Variants in SLC9C1 observed in about 807,000 individuals in gnomAD.
SLC9C1 encodes sodium/hydrogen exchanger 10.
In SLC9C1, 97 loss-of-function variants were observed where a neutral mutation model predicts 140.9. The ratio of observed to expected loss-of-function variants is 0.69; its 90% CI spans 0.58 to 0.82. The LOEUF (loss-of-function observed/expected upper bound fraction) is 0.82, where lower values mean the gene tolerates loss of function less well. Ranked by LOEUF, SLC9C1 falls within the 40% of genes least tolerant of loss-of-function variation. The pLI is 0.00. For missense variants in SLC9C1, 1,340 were observed against 1,389.3 expected (o/e 0.96, Z 0.56); for synonymous variants, 440 against 442.6 (o/e 0.99, Z 0.07).
chr3:112,143,884 T>G (rs774498393), intron 28 of SLC9C1, among the ~76,000 whole-genome samples: 10 of 152,190 alleles, frequency 6.6e-5, no homozygotes, highest in South Asian at 4.1e-4. Flanking sequence ...ATTTAAATCT[T>G]TAATCTGTCT....
intron 10 of SLC9C1, among the ~76,000 whole-genome samples, chr3:112,247,600 C>T (rs1826393): frequency 0.3 from 45,056 of 151,906 alleles, 7,235 homozygotes; most frequent in East Asian, 0.43. Context: ...ATGAAAGTGG[C>T]GTCCATCCAC....
intron 20 of SLC9C1, among the ~76,000 whole-genome samples, chr3:112,188,818 C>T (rs1015302912): frequency 3.3e-5 from 5 of 152,184 alleles, no homozygotes; most frequent in African/African-American, 1.2e-4. Context: ...CACTGTCTTC[C>T]ACAATGGTTG....
chr3:112,155,006 ATTTC>A lies in SLC9C1; in HGVS notation c.3404_3407del (p.Arg1135MetfsTer34), dbSNP rs1461395592. ...GCTGCTTTAAATTTACCTCCTTAACATTTCTTTCTTCTTGAATGCCTTCTTCCAA... is the reference window on the plus strand; with the variant it reads ...GCTGCTTTAAATTTACCTCCTTAACATTTCTTCTTGAATGCCTTCTTCCAA... On this transcript the variant is annotated frameshift_variant, in exon 27 of 29. Transcript: ENST00000305815. LOFTEE classifies it high-confidence loss of function. The A allele has an allele frequency of 1.9e-6, 3 of 1,609,490 alleles. No homozygotes were observed. Among genetic ancestry groups the A allele is most frequent in the Non-Finnish European group, 2.5e-6 (3 of 1,178,550 alleles).
chr3:112,205,208 A>G (rs2078013380), intron 16 of SLC9C1, among the ~76,000 whole-genome samples: 1 of 152,088 alleles, frequency 6.6e-6, no homozygotes, highest in Non-Finnish European at 1.5e-5. Context: ...GCAAAGTCTC[A>G]GGATACAAAA....
At chr3:112,167,421 A>G in intron 25 of SLC9C1, 74 bp from the exon 26 acceptor site, 1 of 1,441,090 alleles carries the variant, frequency 6.9e-7, no homozygotes, top group Non-Finnish European at 9.2e-7. Flanking sequence ...GTAAGCTGCT[A>G]TTTCTGGCTT....
chr3:112,185,706 A>T, intron 20 of SLC9C1: 2 of 1,543,116 alleles, frequency 1.3e-6, no homozygotes, highest in East Asian at 2.4e-5. Flanking sequence ...CCACCACTTG[A>T]GCTCCTCGGA....
At chr3:112,166,512 T>C (rs983060436) in intron 26 of SLC9C1, among the ~76,000 whole-genome samples, 1 of 152,200 alleles carries the variant, frequency 6.6e-6, no homozygotes, top group Non-Finnish European at 1.5e-5. Flanking sequence ...GGAGAGAGAA[T>C]CCCACATTGT....
chr3:112,287,612 C>T (rs1352841167), intron 1 of SLC9C1, among the ~76,000 whole-genome samples: 1 of 152,184 alleles, frequency 6.6e-6, no homozygotes. Context: ...CAGGCAATCT[C>T]GCCTGCTTCC....
intron 16 of SLC9C1, among the ~76,000 whole-genome samples, chr3:112,204,764 G>A (rs961072283): frequency 2.6e-5 from 4 of 151,808 alleles, no homozygotes; most frequent in Admixed American, 6.6e-5. Context: ...AAAATCCTGG[G>A]GGTTGCATCC....
intron 10 of SLC9C1, among the ~76,000 whole-genome samples, chr3:112,255,597 A>T (rs975618561): frequency 6.6e-6 from 1 of 152,146 alleles, no homozygotes; most frequent in Non-Finnish European, 1.5e-5. Flanking sequence ...TCAAGAGAGA[A>T]ATTTATATCA....
In SLC9C1 at chr3:112,164,982, T is replaced by G. The variant is rs535750057; in HGVS notation, c.3364+2239A>C. Among the ~76,000 whole-genome samples, 922 of 152,298 alleles carry G rather than the reference T, an allele frequency of 6.1e-3. 8 individuals are homozygous for G. Among genetic ancestry groups the G allele is most frequent in the African/African-American group, 0.021 (871 of 41,554 alleles). ...GGCTTTATTCATTTCTTTTTATTCT[T>G]TTTTCTCTAAACTTCTCTTCTCACT... On this transcript the variant is annotated intron_variant, in intron 26 of 28. Transcript: ENST00000305815.
At chr3:112,283,872 T>C (rs1277160061) in intron 2 of SLC9C1, among the ~76,000 whole-genome samples, 1 of 145,900 alleles carries the variant, frequency 6.9e-6, no homozygotes, top group African/African-American at 2.5e-5. Flanking sequence ...ATGGGCATCA[T>C]GATCGGTCGC....
intron 7 of SLC9C1, among the ~76,000 whole-genome samples, chr3:112,268,637 T>C (rs1163546922): frequency 6.6e-6 from 1 of 152,232 alleles, no homozygotes; most frequent in Non-Finnish European, 1.5e-5. Flanking sequence ...GCTGACTTTG[T>C]TTACCAATTA....
rs552771067 is a variant in SLC9C1 at position 112,257,339 on chromosome 3, T to C, written c.1197+5585A>G. 1.2e-4 allele frequency among the ~76,000 whole-genome samples: 19 copies of C among 152,140 alleles called. No individual in the cohort carries two copies. In the South Asian group the frequency reaches 3.7e-3, roughly 30 times the overall value. ...GTAATCAAAACTGCATGGGTACTGG[T>C]ACAAAAACAGACATTTATACCAACA... On this transcript the variant is annotated intron_variant, in intron 10 of 28. Coordinates refer to ENST00000305815, the MANE Select transcript of SLC9C1 (RefSeq NM_183061.3).
At chr3:112,215,756 A>AT (rs1159329564) in intron 15 of SLC9C1, among the ~76,000 whole-genome samples, 3 of 152,250 alleles carry the variant, frequency 2.0e-5, no homozygotes, top group African/African-American at 7.2e-5. Flanking sequence ...GGAAGAATCA[A>AT]TATTGTTAAA....
Position 112,221,118 on chromosome 3 carries a change from A to G in SLC9C1, c.1670+10T>C. On this transcript the variant is annotated intron_variant, in intron 14 of 28. Transcript: ENST00000305815. ...TTAGAATAGAAGCCATCTCTTGAGA[A>G]TATACTTACTTTCCCTTCTTCTCAC... 6.2e-7 allele frequency: 1 copy of G among 1,609,472 alleles called. No homozygotes were observed. The highest frequency in any genetic ancestry group is 8.5e-7 in the Non-Finnish European group (1 of 1,176,158).
At chr3:112,216,517 AC>A (rs1338684111) in intron 15 of SLC9C1, among the ~76,000 whole-genome samples, 1 of 150,974 alleles carries the variant, frequency 6.6e-6, no homozygotes, top group East Asian at 1.9e-4. Flanking sequence ...CAAGAAAAAA[AC>A]AAACAACCCC....
At chr3:112,286,636 T>C in intron 2 of SLC9C1, 68 bp downstream of exon 2, 2 of 1,342,626 alleles carry the variant, frequency 1.5e-6, no homozygotes, top group Non-Finnish European at 1.0e-6. Context: ...CTTTCCTTAA[T>C]TCTATATGGT....
chr3:112,288,038 G>A (rs535981501), intron 1 of SLC9C1, among the ~76,000 whole-genome samples: 6 of 62,470 alleles, frequency 9.6e-5, no homozygotes, highest in East Asian at 9.3e-4. Context: ...GCAAGACTCC[G>A]TCTCAAAAAA....
Sources: gnomAD v4.1 joint callset for allele counts (sites outside exome capture counted in the v4.1 genomes callset) on GRCh38, gnomAD v4.1.1 for gene constraint, MANE v1.5 for transcripts, NCBI Gene and HGNC (gene_info 2026-07-23, HGNC 2026-07-21) for gene names.